The following SMARCA2 variants were observed in gnomAD, a reference collection of about 807,000 sequenced individuals.
The protein encoded by SMARCA2 is SWI/SNF-related matrix-associated actin-dependent regulator of chromatin subfamily A member 2.
A neutral mutation model predicts 199.8 loss-of-function variants in SMARCA2; 61 were observed. That is an observed-to-expected ratio of 0.31 (90% CI 0.25 to 0.38). The LOEUF (loss-of-function observed/expected upper bound fraction) is 0.38. SMARCA2 is among the 10% of genes least tolerant of loss of function. The pLI is 1.00. For missense variants in SMARCA2, 1,344 were observed against 2,012.2 expected (o/e 0.67, Z 6.35); for synonymous variants, 935 against 732.0 (o/e 1.28, Z -4.48).
At chr9:2,028,469 G>C (rs1317280635) in intron 1 of SMARCA2, among the ~76,000 whole-genome samples, 1 of 152,064 alleles carries the variant, frequency 6.6e-6, no homozygotes, top group African/African-American at 2.4e-5. Context: ...TTCATGATTG[G>C]GACTTCTCTT....
rs149885738 is a variant in SMARCA2, at chr9:2,141,358, G to A, written c.3981+17421G>A. ...GTAGGGAGTATGGTTTTTGGATTTCGCATTTAGTTAATGACAGGTGTATTT... is the reference window on the plus strand; with the variant it reads ...GTAGGGAGTATGGTTTTTGGATTTCACATTTAGTTAATGACAGGTGTATTT... On this transcript the variant is annotated intron_variant, in intron 27 of 33. Transcript: ENST00000349721. 4.6e-5 allele frequency among the ~76,000 whole-genome samples: 7 copies of A among 152,254 alleles called. No homozygotes were observed. In the East Asian group the frequency reaches 7.7e-4, roughly 17 times the overall value.
Position 2,160,700 on chromosome 9 carries a change from G to A in SMARCA2, c.3982-986G>A, listed in dbSNP as rs775418819. 10 of 654,098 alleles carry A rather than the reference G, an allele frequency of 1.5e-5. No individual in the cohort carries two copies. The East Asian group carries it at 2.5e-4, about 16-fold the overall frequency. The allele number at this position is 654,098 out of a possible 1,614,324, so 40.5% of individuals were successfully genotyped here. A position where few individuals can be genotyped will look rare whatever the true frequency, so the allele number is the denominator to read the frequency against. On this transcript the variant is annotated intron_variant, in intron 27 of 33. Coordinates refer to ENST00000349721, the MANE Select transcript of SMARCA2 (RefSeq NM_003070.5). ...TGCATACTGGAGGCAATATTGAGAGGCAGGAGGAACAAATAACAACATTAG... is the reference window on the plus strand; with the variant it reads ...TGCATACTGGAGGCAATATTGAGAGACAGGAGGAACAAATAACAACATTAG...
intron 21 of SMARCA2, among the ~76,000 whole-genome samples, chr9:2,098,826 A>C (rs1312306316): frequency 6.6e-6 from 1 of 152,214 alleles, no homozygotes; most frequent in East Asian, 1.9e-4. Context: ...AGGCACCTGT[A>C]ATCCTAGCTA....
chr9:2,159,086 T>A, intron 27 of SMARCA2: 1 of 1,403,412 alleles, frequency 7.1e-7, no homozygotes, highest in Non-Finnish European at 9.8e-7. Flanking sequence ...GTTTGCAATT[T>A]AATTTGTTTT....
intron 31 of SMARCA2, among the ~76,000 whole-genome samples, chr9:2,184,353 C>CTTTT (rs1199876121): frequency 1.2e-4 from 15 of 129,434 alleles, no homozygotes; most frequent in African/African-American, 1.8e-4. Context: ...AGGATAATAT[C>CTTTT]TTTTTTTTTT....
At chr9:2,127,467 A>G (rs1272807442) in intron 27 of SMARCA2, among the ~76,000 whole-genome samples, 2 of 152,234 alleles carry the variant, frequency 1.3e-5, no homozygotes, top group African/African-American at 2.4e-5. Flanking sequence ...CATGGTAGGT[A>G]TACCTGATTG....
At chr9:2,142,506 G>A (rs546055535) in intron 27 of SMARCA2, among the ~76,000 whole-genome samples, 1 of 152,286 alleles carries the variant, frequency 6.6e-6, no homozygotes, top group South Asian at 2.1e-4. Flanking sequence ...TCAGTGGTGT[G>A]TAACTTCAGC....
chr9:2,182,898 T>C (rs4740664), intron 31 of SMARCA2, among the ~76,000 whole-genome samples: 105,103 of 151,798 alleles, frequency 0.69, 36,690 homozygotes, highest in African/African-American at 0.77. Flanking sequence ...TCAAGGGATT[T>C]TCCTGCCTTA....
intron 27 of SMARCA2, among the ~76,000 whole-genome samples, chr9:2,141,035 G>C (rs1824437487): frequency 6.6e-6 from 1 of 151,990 alleles, no homozygotes; most frequent in Non-Finnish European, 1.5e-5. Flanking sequence ...CTTTTTAAGT[G>C]ACCTGTCACC....
chr9:2,118,067 C>A (rs1823289317), intron 25 of SMARCA2, among the ~76,000 whole-genome samples: 1 of 152,192 alleles, frequency 6.6e-6, no homozygotes, highest in Non-Finnish European at 1.5e-5. Flanking sequence ...ACAAGAGAAT[C>A]TTTTCATCTT....
chr9:2,182,483 T>C (rs1827110863), intron 31 of SMARCA2, among the ~76,000 whole-genome samples: 2 of 25,348 alleles, frequency 7.9e-5, no homozygotes, highest in African/African-American at 3.7e-4. Context: ...ATAGTCTTTT[T>C]TTTTTTTTTT....
chr9:2,106,495 A>C (rs1822760918), intron 23 of SMARCA2, among the ~76,000 whole-genome samples: 1 of 152,230 alleles, frequency 6.6e-6, no homozygotes, highest in South Asian at 2.1e-4. Context: ...TCTTTCCGTA[A>C]GAAACAGCAG....
chr9:2,046,013 T>G (rs1363170629), intron 4 of SMARCA2: 1 of 152,228 alleles, frequency 6.6e-6, no homozygotes, highest in Non-Finnish European at 1.5e-5. Flanking sequence ...TGTGTTCAGT[T>G]TTTCATAATG....
At chr9:2,174,855 G>C (rs1193618875) in intron 29 of SMARCA2, among the ~76,000 whole-genome samples, 1 of 148,762 alleles carries the variant, frequency 6.7e-6, no homozygotes, top group African/African-American at 2.5e-5. Context: ...GGGAGGTCGA[G>C]GCTACAGTGC....
At chr9:2,071,042 A>T (rs1821065395) in intron 10 of SMARCA2, among the ~76,000 whole-genome samples, 1 of 152,142 alleles carries the variant, frequency 6.6e-6, no homozygotes, top group Non-Finnish European at 1.5e-5. Flanking sequence ...TTTCTGAAGA[A>T]TTTAAGGTTC....
rs147397142 is a variant in SMARCA2 at position 2,028,782 on chromosome 9, T to C, written c.-36-205T>C. Among the ~76,000 whole-genome samples the C allele has an allele frequency of 8.7e-3, 1,326 of 152,278 alleles. 10 individuals are homozygous for C. The highest frequency in any genetic ancestry group is 0.014 in the Non-Finnish European group (921 of 68,016). On this transcript the variant is annotated intron_variant, in intron 1 of 33. Transcript: ENST00000349721. Reference sequence around the variant, plus strand: ...TATTTTTCTGGGGAATCATTTAGTGTGTGTGTTTTTTTTAAACAAGTGGTC... The same window carrying C: ...TATTTTTCTGGGGAATCATTTAGTGCGTGTGTTTTTTTTAAACAAGTGGTC...
rs144608527 is a variant in SMARCA2 at position 2,076,188 on chromosome 9, G to T, written c.1936-41G>T. The T allele has an allele frequency of 1.5e-3, 1,609 of 1,093,974 alleles. 14 individuals are homozygous for T. In the African/African-American group the frequency reaches 0.022, roughly 15 times the overall value. 67.8% of individuals were successfully genotyped at this position (1,093,974 alleles called of 1,614,324 possible). A position where few individuals can be genotyped will look rare whatever the true frequency, so the allele number is the denominator to read the frequency against. On this transcript the variant is annotated intron_variant, in intron 12 of 33. Coordinates refer to ENST00000349721, the MANE Select transcript of SMARCA2 (RefSeq NM_003070.5). ...AAATGTCAATCATAGAGATTTCCTT[G>T]TTAAAATATAATTTCCTCCCTATCT...
At chr9:2,182,341 A>G in intron 31 of SMARCA2, 99 bp downstream of exon 31, 1 of 735,850 alleles carries the variant, frequency 1.4e-6, no homozygotes, top group East Asian at 2.6e-5. Context: ...AATCATTGCT[A>G]CTGGCAGAAG....
At chr9:2,022,734 A>G (rs1401161670) in intron 1 of SMARCA2, among the ~76,000 whole-genome samples, 1 of 152,244 alleles carries the variant, frequency 6.6e-6, no homozygotes, top group Non-Finnish European at 1.5e-5. Flanking sequence ...GATTCTTATC[A>G]ACATCCAGAA....
Sources: allele counts gnomAD v4.1 joint callset (sites outside exome capture counted in the v4.1 genomes callset), GRCh38; gene constraint gnomAD v4.1.1; transcripts MANE v1.5; gene names NCBI Gene and HGNC (gene_info 2026-07-23, HGNC 2026-07-21).